PDE4D: variants seen among roughly 807,000 people sequenced by gnomAD.
PDE4D encodes the protein 3',5'-cyclic-AMP phosphodiesterase 4D.
In PDE4D, 24 loss-of-function variants were observed where a neutral mutation model predicts 87.4. The observed-to-expected ratio is 0.27, with a 90% CI of 0.20 to 0.39. The LOEUF (loss-of-function observed/expected upper bound fraction) is 0.39, where lower values mean the gene tolerates loss of function less well. Among genes scored for constraint, PDE4D ranks in the 10% least tolerant of loss-of-function variants. The pLI, the probability that PDE4D is intolerant of heterozygous loss-of-function variation, is 1.00. For missense variants in PDE4D, 714 were observed against 1,041.0 expected, an observed-to-expected ratio of 0.69 and a Z score of 4.32; for synonymous variants, 384 against 383.2, an observed-to-expected ratio of 1.00 and a Z score of -0.02.
chr5:60,025,704 AC>A (rs965469742), intron 2 of PDE4D, among the ~76,000 whole-genome samples: 3 of 152,260 alleles, frequency 2.0e-5, no homozygotes, highest in Non-Finnish European at 4.4e-5. Flanking sequence ...TTCTAATTCA[AC>A]CATAAATTAG....
intron 1 of PDE4D, among the ~76,000 whole-genome samples, chr5:59,590,272 TAG>T (rs1825739098): frequency 1.3e-5 from 2 of 152,186 alleles, no homozygotes; most frequent in Non-Finnish European, 2.9e-5. Flanking sequence ...GCAGAACTAA[TAG>T]GTTTGTAATC....
At chr5:60,090,472 T>A (rs796384649) in intron 2 of PDE4D, among the ~76,000 whole-genome samples, 1 of 152,148 alleles carries the variant, frequency 6.6e-6, no homozygotes, top group African/African-American at 2.4e-5. Context: ...TTGATAAAAT[T>A]TGACATTCCT....
intron 5 of PDE4D, 35 bp downstream of exon 5, chr5:59,180,560 A>C (rs180878267): frequency 6.3e-7 from 1 of 1,581,024 alleles, no homozygotes; most frequent in East Asian, 2.2e-5. Flanking sequence ...GTTTCTTCCT[A>C]GACACATGAA....
chr5:59,130,329 T>A (rs866712786), intron 5 of PDE4D, among the ~76,000 whole-genome samples: 24 of 152,164 alleles, frequency 1.6e-4, no homozygotes, highest in Admixed American at 9.8e-4. Context: ...AGACGCCAAA[T>A]CAATTCCTTA....
intron 1 of PDE4D, among the ~76,000 whole-genome samples, chr5:59,231,570 C>T (rs2409631): frequency 0.27 from 40,909 of 152,144 alleles, 5,978 homozygotes; most frequent in Admixed American, 0.39. Context: ...CATCCTAGAA[C>T]GCTACTTGAT....
At position 58,974,907 on chromosome 5, in the gene PDE4D, A is replaced by G; in HGVS notation, c.2187T>C (p.Gly729=). The part of the protein sequence containing the change: ...APDDPEEGRQ[G]QTEKFQFELT... ...GTTCAAACTGGAATTTCTCAGTTTG[A>G]CCCTGCCGGCCCTCCTCTGGGTCAT... Residue 729 remains glycine, a synonymous_variant, in exon 15 of 15, where the codon GGT becomes GGC. Coordinates refer to ENST00000340635, the MANE Select transcript of PDE4D (RefSeq NM_001104631.2). 6.2e-7 allele frequency: 1 copy of G among 1,611,922 alleles called. No homozygotes were observed. Among genetic ancestry groups the G allele is most frequent in the Non-Finnish European group, 8.5e-7 (1 of 1,178,664 alleles).
At chr5:59,597,551 A>G (rs557517696) in intron 1 of PDE4D, among the ~76,000 whole-genome samples, 2 of 152,050 alleles carry the variant, frequency 1.3e-5, no homozygotes, top group South Asian at 4.2e-4. Context: ...GAGATTTTGG[A>G]AAAAAAAGAA....
intron 1 of PDE4D, among the ~76,000 whole-genome samples, chr5:59,671,043 A>G (rs1747115855): frequency 6.6e-6 from 1 of 152,202 alleles, no homozygotes; most frequent in African/African-American, 2.4e-5. Context: ...TTCATTATAC[A>G]GAGTGTTTCC....
chr5:59,368,652 G>C (rs554906753), intron 1 of PDE4D, among the ~76,000 whole-genome samples: 1 of 152,308 alleles, frequency 6.6e-6, no homozygotes, highest in South Asian at 2.1e-4. Flanking sequence ...GTAAATTACT[G>C]TGGAATATGA....
chr5:59,264,760 A>C (rs1762584165), intron 1 of PDE4D, among the ~76,000 whole-genome samples: 1 of 152,046 alleles, frequency 6.6e-6, no homozygotes, highest in Admixed American at 6.6e-5. Context: ...AAAATAGTAG[A>C]TATCAGAGAC....
intron 1 of PDE4D, among the ~76,000 whole-genome samples, chr5:60,294,262 A>C (rs1194375529): frequency 6.6e-6 from 1 of 152,102 alleles, no homozygotes; most frequent in Non-Finnish European, 1.5e-5. Flanking sequence ...TGCTTTGCCC[A>C]TTTTTATTGA....
rs1046069326 is a variant in PDE4D at position 58,970,772 on chromosome 5, C to T, written c.*3892G>A. On this transcript the variant is annotated 3_prime_UTR_variant, in exon 15 of 15. Transcript: ENST00000340635. ...GAAGCTGATGAATAGATAACCAACA[C>T]GAGTAAACTCTGGCTCCAATTTCAA... is the stretch of plus-strand genomic sequence containing the variant. 7 of 151,962 alleles carry T rather than the reference C, an allele frequency of 4.6e-5. No individual in the cohort carries two copies. Among genetic ancestry groups the T allele is most frequent in the East Asian group, 1.9e-4 (1 of 5,194 alleles). 9.4% of individuals were successfully genotyped at this position (151,962 alleles called of 1,614,324 possible). A position where few individuals can be genotyped will look rare whatever the true frequency, so the allele number is the denominator to read the frequency against.
intron 1 of PDE4D, among the ~76,000 whole-genome samples, chr5:59,843,313 T>C (rs913567794): frequency 2.3e-4 from 35 of 152,022 alleles, no homozygotes; most frequent in African/African-American, 8.4e-4. Flanking sequence ...TGACATTTTC[T>C]AGTGCACTTG....
intron 2 of PDE4D, among the ~76,000 whole-genome samples, chr5:60,048,047 T>G (rs1269849409): frequency 6.6e-6 from 1 of 152,162 alleles, no homozygotes; most frequent in South Asian, 2.1e-4. Context: ...ATCTGGGTGC[T>G]CCTGTATTGG....
At chr5:59,107,168 T>C (rs866051058) in intron 5 of PDE4D, among the ~76,000 whole-genome samples, 2 of 152,178 alleles carry the variant, frequency 1.3e-5, no homozygotes, top group Non-Finnish European at 2.9e-5. Flanking sequence ...ATATGAAATA[T>C]AGACATAATG....
chr5:60,106,789 A>T (rs539557621), intron 2 of PDE4D, among the ~76,000 whole-genome samples: 4 of 152,258 alleles, frequency 2.6e-5, no homozygotes, highest in Non-Finnish European at 5.9e-5. Flanking sequence ...AGGCAGAAAT[A>T]AAGATATTCT....
At chr5:59,327,794 T>C (rs1022296796) in intron 1 of PDE4D, among the ~76,000 whole-genome samples, 4 of 152,158 alleles carry the variant, frequency 2.6e-5, no homozygotes, top group African/African-American at 9.7e-5. Context: ...GCCAGGAAAT[T>C]TGGTTTCTAG....
At chr5:60,248,971 A>C (rs1476028600) in intron 1 of PDE4D, among the ~76,000 whole-genome samples, 1 of 152,050 alleles carries the variant, frequency 6.6e-6, no homozygotes, top group Non-Finnish European at 1.5e-5. Flanking sequence ...AAAATTGAGC[A>C]TGTGGCTCCA....
intron 1 of PDE4D, among the ~76,000 whole-genome samples, chr5:60,256,233 A>G (rs1287291178): frequency 6.6e-6 from 1 of 151,888 alleles, no homozygotes; most frequent in Non-Finnish European, 1.5e-5. Context: ...AAAATCACAT[A>G]ATCCCCAAAC....
Sources: allele counts gnomAD v4.1 joint callset (sites outside exome capture counted in the v4.1 genomes callset), GRCh38; gene constraint gnomAD v4.1.1; transcripts MANE v1.5; gene names NCBI Gene and HGNC (gene_info 2026-07-23, HGNC 2026-07-21).